Variants in ING5 observed in about 807,000 individuals in gnomAD.
ING5 encodes inhibitor of growth protein 5.
A neutral mutation model predicts 37.4 loss-of-function variants in ING5; 17 were observed. That is an observed-to-expected ratio of 0.45 (90% CI 0.31 to 0.68). The LOEUF (loss-of-function observed/expected upper bound fraction) is 0.68, where lower values mean the gene tolerates loss of function less well. Ranked by LOEUF, ING5 falls within the 30% of genes least tolerant of loss-of-function variation. The pLI is 0.05. For synonymous variants in ING5, 123 were observed against 116.6 expected (o/e 1.06, Z -0.36); for missense variants, 233 against 311.9 (o/e 0.75, Z 1.91).
chr2:241,699,021 C>G (rs1475484521), upstream of ING5, among the ~76,000 whole-genome samples: 1 of 139,428 alleles, frequency 7.2e-6, no homozygotes. Flanking sequence ...AGCCACCACC[C>G]CAGCTGAATT....
At chr2:241,698,513 G>A (rs2069665214), upstream of ING5, among the ~76,000 whole-genome samples, 2 of 149,476 alleles carry the variant, frequency 1.3e-5, no homozygotes, top group Admixed American at 6.6e-5. Context: ...GTGTGTGTGT[G>A]TGTGTGTGTG....
At chr2:241,711,652 G>A (rs922246596) in intron 4 of ING5, 164 bp downstream of exon 4, 1 of 617,308 alleles carries the variant, frequency 1.6e-6, no homozygotes, top group South Asian at 2.2e-5. Flanking sequence ...TGTAACCCCA[G>A]CACTTTGGGA....
At chr2:241,691,776 C>T (rs1035267386) in intron 2 of ING5, among the ~76,000 whole-genome samples, 7 of 152,042 alleles carry the variant, frequency 4.6e-5, no homozygotes, top group Non-Finnish European at 7.4e-5. Flanking sequence ...GAAACCATCC[C>T]TGGCCAGGCA....
intron 5 of ING5, among the ~76,000 whole-genome samples, chr2:241,716,510 G>T (rs557815123): frequency 6.8e-6 from 1 of 147,044 alleles, no homozygotes; most frequent in Non-Finnish European, 1.5e-5. Flanking sequence ...GGCCAGGCTG[G>T]TCTCGAACCC....
At chr2:241,702,213 G>T in intron 1 of ING5, 111 bp downstream of exon 1, 1 of 352,602 alleles carries the variant, frequency 2.8e-6, no homozygotes. Flanking sequence ...GGAGGGCGGC[G>T]GGCGCGGCCG....
chr2:241,711,539 T>C, intron 4 of ING5, 51 bp downstream of exon 4: 1 of 1,242,946 alleles, frequency 8.0e-7, no homozygotes, highest in Non-Finnish European at 1.1e-6. Flanking sequence ...ACTATGGAGT[T>C]TTGAAGAGTT....
At chr2:241,722,089 G>A (rs1030884504) in intron 5 of ING5, 2 of 985,290 alleles carry the variant, frequency 2.0e-6, no homozygotes, top group African/African-American at 3.5e-5. Flanking sequence ...GGGCAGAGGT[G>A]CCTGAGTAGG....
At position 241,719,860 on chromosome 2, in the gene ING5, G is replaced by C. The variant is rs991988511; in HGVS notation, c.483-3079G>C. ...GCCTGGGAGCTCAGCGCTGCCTGCC[G>C]TGCAGGTCCCAGTAGTGACAGATGA... On this transcript the variant is annotated intron_variant, in intron 5 of 7. Transcript: ENST00000313552. 7 of 1,397,224 alleles carry C rather than the reference G, an allele frequency of 5.0e-6. No homozygotes were observed. The East Asian group carries it at 1.6e-4, about 31-fold the overall frequency. 86.6% of individuals were successfully genotyped at this position (1,397,224 alleles called of 1,614,324 possible).
intron 5 of ING5, chr2:241,721,984 G>A (rs1330232888): frequency 2.0e-6 from 2 of 985,294 alleles, no homozygotes; most frequent in Non-Finnish European, 2.4e-6. Context: ...CAAGGATGGT[G>A]TGTGGTCGGA....
intron 4 of ING5, 69 bp from the exon 5 acceptor site, chr2:241,711,909 A>G: frequency 2.9e-6 from 4 of 1,400,376 alleles, no homozygotes; most frequent in Non-Finnish European, 3.9e-6. Flanking sequence ...CTTTTTAAAA[A>G]CAAAACACAA....
rs369740365 is a variant in ING5, at chr2:241,688,531, T to C, written c.-774+469T>C. On this transcript the variant is annotated intron_variant, in intron 1 of 7. Coordinates refer to the ING5 transcript ENST00000636051. ...TAGAGTAGCTTTATGTTTTCCAGAC[T>C]GAAGCCTCCCCAATTCAGTTTGGGG... Among the ~76,000 whole-genome samples, 8 of 152,344 alleles carry C rather than the reference T, an allele frequency of 5.3e-5. No homozygotes were observed. In the East Asian group the frequency reaches 1.2e-3, roughly 22 times the overall value.
At chr2:241,724,622 G>A (rs1311694468) in intron 7 of ING5, 1 of 276,238 alleles carries the variant, frequency 3.6e-6, no homozygotes, top group Non-Finnish European at 6.9e-6. Flanking sequence ...GGGCCTGAGG[G>A]GCTGCCATGC....
chr2:241,700,169 T>G (rs985053692), upstream of ING5, among the ~76,000 whole-genome samples: 7 of 145,452 alleles, frequency 4.8e-5, no homozygotes, highest in African/African-American at 1.8e-4. Context: ...TTTTTTTTTT[T>G]TTTTTGGGAC....
Position 241,708,968 on chromosome 2 carries a change from CT to C in ING5, c.110-246del, listed in dbSNP as rs528475843. 7.6e-4 allele frequency: 270 copies of C among 353,684 alleles called. 5 individuals carry two copies. The South Asian group carries it at 0.022, about 29-fold the overall frequency. The allele number at this position is 353,684 out of a possible 1,614,324, so 21.9% of individuals were successfully genotyped here. A position where few individuals can be genotyped will look rare whatever the true frequency, so the allele number is the denominator to read the frequency against. On this transcript the variant is annotated intron_variant, in intron 2 of 7. Transcript: ENST00000313552. ...AGAGTCGAAGAAGGCACTGTGACCACTTGCTGTGTAACATTCAGAGCTGGGA... is the reference window on the plus strand; with the variant it reads ...AGAGTCGAAGAAGGCACTGTGACCACTGCTGTGTAACATTCAGAGCTGGGA...
intron 5 of ING5, among the ~76,000 whole-genome samples, chr2:241,713,949 C>T (rs2070192260): frequency 6.6e-6 from 1 of 151,008 alleles, no homozygotes; most frequent in Non-Finnish European, 1.5e-5. Flanking sequence ...AAGATCACAC[C>T]ACTGCACCCC....
rs550268662 is a variant in ING5, at chr2:241,688,774, C to G, written c.-774+712C>G. Among the ~76,000 whole-genome samples the G allele has an allele frequency of 1.3e-5, 2 of 152,010 alleles. 1 individual carries two copies. The highest frequency in any genetic ancestry group is 4.2e-4 in the South Asian group (2 of 4,812). On this transcript the variant is annotated intron_variant, in intron 1 of 7. Coordinates refer to the ING5 transcript ENST00000636051. ...GAGTAGCTGGGATTACAGGCGCCCA[C>G]CACCACGCCCGGCTAATTTTTGTAT...
At chr2:241,710,376 C>G (rs561359702) in intron 3 of ING5, among the ~76,000 whole-genome samples, 1 of 152,270 alleles carries the variant, frequency 6.6e-6, no homozygotes, top group South Asian at 2.1e-4. Context: ...GGCTGCAGTT[C>G]AGTGCAACCT....
In ING5 at chr2:241,725,590, C is replaced by G. The variant is rs1691588594; in HGVS notation, c.*559C>G. On this transcript the variant is annotated 3_prime_UTR_variant, in exon 8 of 8. Transcript: ENST00000313552. ...GGGCCCGGGAGGGCTGGGGGCTCTT[C>G]CCTGGAGGAAGCGGCCTCCGCTTCG... The G allele has an allele frequency of 6.6e-6, 1 of 152,426 alleles. No individual in the cohort carries two copies. Among genetic ancestry groups the G allele is most frequent in the Admixed American group, 6.5e-5 (1 of 15,284 alleles). 9.4% of individuals were successfully genotyped at this position (152,426 alleles called of 1,614,324 possible).
chr2:241,724,080 T>C, intron 7 of ING5: 1 of 1,352,834 alleles, frequency 7.4e-7, no homozygotes, highest in Non-Finnish European at 9.5e-7. Flanking sequence ...TGGATATCTA[T>C]GTTCTGAAAA....
Sources: gnomAD v4.1 joint callset for allele counts (sites outside exome capture counted in the v4.1 genomes callset) on GRCh38, gnomAD v4.1.1 for gene constraint, MANE v1.5 for transcripts, NCBI Gene and HGNC (gene_info 2026-07-23, HGNC 2026-07-21) for gene names.